Variants in ROBO2 observed in about 807,000 individuals in gnomAD.
ROBO2 encodes the protein roundabout guidance receptor 2.
ROBO2 carries 53 observed loss-of-function variants against 160.8 expected under a neutral mutation model. That is an observed-to-expected ratio of 0.33 (90% CI 0.26 to 0.41). The LOEUF (loss-of-function observed/expected upper bound fraction) is 0.41, where lower values mean the gene tolerates loss of function less well. Ranked by LOEUF, ROBO2 falls within the 10% of genes least tolerant of loss-of-function variation. The pLI, the probability that ROBO2 is intolerant of heterozygous loss-of-function variation, is 1.00. For missense variants in ROBO2, 1,577 were observed against 1,722.4 expected (o/e 0.92, Z 1.49); for synonymous variants, 664 against 611.7 (o/e 1.09, Z -1.26).
chr3:76,962,752 A>G (rs971592804), intron 2 of ROBO2, among the ~76,000 whole-genome samples: 15 of 152,036 alleles, frequency 9.9e-5, no homozygotes, highest in Non-Finnish European at 1.8e-4. Context: ...GGCTGCAGTG[A>G]CTATGATCGT....
intron 1 of ROBO2, among the ~76,000 whole-genome samples, chr3:77,043,687 A>T (rs1165622007): frequency 6.6e-6 from 1 of 152,192 alleles, no homozygotes; most frequent in Non-Finnish European, 1.5e-5. Flanking sequence ...TTTGAATAAG[A>T]ATAGGGTTTT....
intron 2 of ROBO2, among the ~76,000 whole-genome samples, chr3:76,519,062 G>T (rs1259715482): frequency 6.6e-6 from 1 of 152,158 alleles, no homozygotes; most frequent in Non-Finnish European, 1.5e-5. Context: ...ACTTCCCAGA[G>T]GATGTGACGT....
chr3:75,930,294 T>G (rs1382287794), intron 1 of ROBO2, among the ~76,000 whole-genome samples: 1 of 152,136 alleles, frequency 6.6e-6, no homozygotes, highest in African/African-American at 2.4e-5. Context: ...ATCCTTCATT[T>G]TTATTGAGAC....
chr3:76,068,365 C>G (rs2068332381), intron 2 of ROBO2, among the ~76,000 whole-genome samples: 1 of 152,140 alleles, frequency 6.6e-6, no homozygotes, highest in Non-Finnish European at 1.5e-5. Context: ...TGGAAAGCCA[C>G]TGAAGACTTT....
chr3:77,550,753 C>G, intron 7 of ROBO2, 65 bp from the exon 9 acceptor site: 2 of 1,528,206 alleles, frequency 1.3e-6, no homozygotes, highest in Non-Finnish European at 1.8e-6. Context: ...ATTGTAGTAG[C>G]TTTTATTCAC....
At chr3:77,113,649 A>C (rs1217503226) in intron 2 of ROBO2, among the ~76,000 whole-genome samples, 3 of 152,204 alleles carry the variant, frequency 2.0e-5, no homozygotes, top group Non-Finnish European at 4.4e-5. Flanking sequence ...AAGAGAGACA[A>C]GGAGCGGTCT....
chr3:76,432,995 C>T (rs1436844443), intron 2 of ROBO2, among the ~76,000 whole-genome samples: 2 of 152,134 alleles, frequency 1.3e-5, no homozygotes, highest in Non-Finnish European at 2.9e-5. Context: ...ATTGGACAAA[C>T]TAGCATTTAG....
chr3:77,434,560 A>C (rs12488599), intron 2 of ROBO2, among the ~76,000 whole-genome samples: 1 of 151,966 alleles, frequency 6.6e-6, no homozygotes, highest in Non-Finnish European at 1.5e-5. Context: ...TATTGTTGTC[A>C]CCATTTATGA....
At chr3:76,057,781 T>C (rs189424744) in intron 2 of ROBO2, among the ~76,000 whole-genome samples, 4 of 126,410 alleles carry the variant, frequency 3.2e-5, no homozygotes, top group Non-Finnish European at 6.2e-5. Context: ...ATTCAATTGG[T>C]TTTTTTTTGT....
At position 77,379,914 on chromosome 3, in the gene ROBO2, A is replaced by G. The variant is rs905412298; in HGVS notation, c.389-97500A>G. On this transcript the variant is annotated intron_variant, in intron 2 of 25. Coordinates refer to ENST00000461745, the Ensembl canonical transcript of ROBO2. ...TCAATCCCATGTCAACTCAGTTGTTAGCTTTCACCCTGCACCTCTCAGCTC... is the reference window on the plus strand; with the variant it reads ...TCAATCCCATGTCAACTCAGTTGTTGGCTTTCACCCTGCACCTCTCAGCTC... Among the ~76,000 whole-genome samples the G allele has an allele frequency of 7.2e-5, 11 of 151,988 alleles. No homozygotes were observed. In the South Asian group the frequency reaches 1.0e-3, roughly 14 times the overall value.
rs2068149926 is a variant in ROBO2, at chr3:76,063,844, T to C, written c.109+126242T>C. ...ATTGGTGTGTGTGTGTGAATATAAC[T>C]AAGCAAATTATACCACAAGAGTGAT... is the stretch of plus-strand genomic sequence containing the variant. On this transcript the variant is annotated intron_variant, in intron 2 of 26. Coordinates refer to the ROBO2 transcript ENST00000487694. Among the ~76,000 whole-genome samples the C allele has an allele frequency of 2.0e-5, 3 of 152,200 alleles. No individual in the cohort carries two copies. The South Asian group carries it at 6.2e-4, about 31-fold the overall frequency.
chr3:77,158,850 C>G (rs2078245113), intron 2 of ROBO2, among the ~76,000 whole-genome samples: 1 of 152,172 alleles, frequency 6.6e-6, no homozygotes, highest in South Asian at 2.1e-4. Flanking sequence ...ACAAACAACT[C>G]TTCCTTTAGC....
chr3:77,549,945 A>G (rs2092852499), intron 7 of ROBO2, among the ~76,000 whole-genome samples: 1 of 151,958 alleles, frequency 6.6e-6, no homozygotes, highest in Non-Finnish European at 1.5e-5. Flanking sequence ...ATATCTCCTT[A>G]TTTATAATCC....
chr3:77,144,374 A>G (rs2076958487), intron 2 of ROBO2, among the ~76,000 whole-genome samples: 1 of 152,026 alleles, frequency 6.6e-6, no homozygotes, highest in Admixed American at 6.6e-5. Context: ...TTTTTTCCTC[A>G]TGAGTATTTC....
At chr3:76,644,737 G>C (rs9868879) in intron 2 of ROBO2, among the ~76,000 whole-genome samples, 45,248 of 152,050 alleles carry the variant, frequency 0.3, 8,052 homozygotes, top group African/African-American at 0.51. Context: ...TGTTTTGGAA[G>C]TGAATTCCTG....
chr3:76,152,881 C>T (rs2106859747), intron 2 of ROBO2, among the ~76,000 whole-genome samples: 1 of 152,086 alleles, frequency 6.6e-6, no homozygotes, highest in East Asian at 1.9e-4. Flanking sequence ...ATTGAGACTC[C>T]AAAATCGATG....
At chr3:76,859,372 G>GA (rs2070491665) in intron 2 of ROBO2, among the ~76,000 whole-genome samples, 1 of 152,210 alleles carries the variant, frequency 6.6e-6, no homozygotes, top group African/African-American at 2.4e-5. Context: ...ATATCTTTGT[G>GA]AACAGCTCAC....
Position 76,333,908 on chromosome 3 carries a change from C to T in ROBO2, c.109+396306C>T, listed in dbSNP as rs375733744. Among the ~76,000 whole-genome samples, 25 of 152,206 alleles carry T rather than the reference C, an allele frequency of 1.6e-4. No homozygotes were observed. In the East Asian group the frequency reaches 4.1e-3, roughly 25 times the overall value. ...ATCGCAAGGACAAAAAACCAAGCAC[C>T]GCATGTTCTTACTCATAGGTGGGAA... On this transcript the variant is annotated intron_variant, in intron 2 of 26. Transcript: ENST00000487694.
Position 77,094,897 on chromosome 3 carries a change from T to G in ROBO2, c.62-3117T>G, listed in dbSNP as rs537608486. On this transcript the variant is annotated intron_variant, in intron 1 of 25. Transcript: ENST00000461745. ...ATTTTAAAATTTGATTATTTATATTTTTATTGAGTTATGAGTTCTTTATAT... is the reference window on the plus strand; with the variant it reads ...ATTTTAAAATTTGATTATTTATATTGTTATTGAGTTATGAGTTCTTTATAT... Among the ~76,000 whole-genome samples, 13 of 152,304 alleles carry G rather than the reference T, an allele frequency of 8.5e-5. 1 individual carries two copies. In the South Asian group the frequency reaches 2.5e-3, roughly 29 times the overall value.
Sources: allele counts gnomAD v4.1 joint callset (sites outside exome capture counted in the v4.1 genomes callset), GRCh38; gene constraint gnomAD v4.1.1; transcripts MANE v1.5; gene names NCBI Gene and HGNC (gene_info 2026-07-23, HGNC 2026-07-21).